Variants in RBM20 observed in about 807,000 individuals in gnomAD.
The protein encoded by RBM20 is RNA-binding protein 20.
A neutral mutation model predicts 110.1 loss-of-function variants in RBM20; 51 were observed. The ratio of observed to expected loss-of-function variants is 0.46; its 90% CI spans 0.37 to 0.59. The LOEUF is 0.59. Ranked by LOEUF, RBM20 falls within the 20% of genes least tolerant of loss-of-function variation. The pLI is 0.00. For synonymous variants in RBM20, 589 were observed against 618.2 expected (o/e 0.95, Z 0.70); for missense variants, 1,512 against 1,574.9 (o/e 0.96, Z 0.68).
chr10:110,682,392 T>A (rs747653103), intron 1 of RBM20, among the ~76,000 whole-genome samples: 1 of 152,224 alleles, frequency 6.6e-6, no homozygotes, highest in Non-Finnish European at 1.5e-5. Flanking sequence ...TAGGGCCAGA[T>A]AGTAAAGAGT....
rs1845145938 is a variant in RBM20 at position 110,837,409 on chromosome 10, T to G, written c.*1431T>G. On this transcript the variant is annotated 3_prime_UTR_variant, in exon 14 of 14. Transcript: ENST00000369519. ...CAGTTAAGAAGGGAGCCTGGAGCTG[T>G]TTTCATGAGCAGAGATACTCTCCTG... 6.6e-6 allele frequency: 1 copy of G among 152,146 alleles called. No homozygotes were observed. The highest frequency in any genetic ancestry group is 2.1e-4 in the South Asian group (1 of 4,830). The allele number at this position is 152,146 out of a possible 1,614,324, so 9.4% of individuals were successfully genotyped here. A position where few individuals can be genotyped will look rare whatever the true frequency, so the allele number is the denominator to read the frequency against.
intron 1 of RBM20, among the ~76,000 whole-genome samples, chr10:110,723,442 AGGAGT>A (rs1193531296): frequency 6.6e-6 from 1 of 152,206 alleles, no homozygotes; most frequent in Non-Finnish European, 1.5e-5. Flanking sequence ...GGGATAATGT[AGGAGT>A]GGAATTGCTG....
At chr10:110,665,111 G>A (rs892499163) in intron 1 of RBM20, among the ~76,000 whole-genome samples, 2 of 151,960 alleles carry the variant, frequency 1.3e-5, no homozygotes, top group East Asian at 1.9e-4. Flanking sequence ...TCCTGGCTTC[G>A]GTGATCTTCC....
At chr10:110,773,752 C>T (rs1047897558) in intron 1 of RBM20, among the ~76,000 whole-genome samples, 1 of 152,112 alleles carries the variant, frequency 6.6e-6, no homozygotes, top group Non-Finnish European at 1.5e-5. Flanking sequence ...GGTTTTGAGC[C>T]GTTCTAATAA....
chr10:110,819,973 T>C (rs1844887003), intron 9 of RBM20, 99 bp from the exon 10 acceptor site: 2 of 694,218 alleles, frequency 2.9e-6, no homozygotes, highest in South Asian at 2.3e-5. Context: ...ATGTGAAACC[T>C]ATCTGAGAGC....
intron 6 of RBM20, 44 bp from the exon 7 acceptor site, chr10:110,799,743 C>T: frequency 6.5e-7 from 1 of 1,532,132 alleles, no homozygotes; most frequent in South Asian, 1.2e-5. Context: ...TTGTTTAAGA[C>T]CATTAAAGTC....
intron 1 of RBM20, among the ~76,000 whole-genome samples, chr10:110,667,913 G>A (rs1041684102): frequency 3.3e-5 from 5 of 152,148 alleles, no homozygotes; most frequent in African/African-American, 9.7e-5. Context: ...AGTGGTGCAG[G>A]GAAGCTAAGC....
intron 1 of RBM20, among the ~76,000 whole-genome samples, chr10:110,767,066 T>G (rs1437036471): frequency 1.6e-5 from 2 of 123,346 alleles, no homozygotes; most frequent in South Asian, 2.8e-4. Context: ...ACGGGGCGGC[T>G]GGCCGGGCGG....
At chr10:110,788,845 G>A (rs1011287823) in intron 5 of RBM20, among the ~76,000 whole-genome samples, 4 of 152,162 alleles carry the variant, frequency 2.6e-5, no homozygotes, top group Non-Finnish European at 4.4e-5. Flanking sequence ...TGTTGCCAAA[G>A]GATATTTTTC....
In RBM20 at chr10:110,784,882, G is replaced by A; in HGVS notation, c.1520G>A (p.Gly507Glu). Residue 507 changes from glycine (G) to glutamate (E), a missense_variant, in exon 5 of 14, where the codon GGG becomes GAG. Physicochemically the swap from Gly to Glu is moderately conservative, Grantham distance 98. This residue lies in a region of RBM20 where 1,149 missense variants were observed against 1,169.4 expected (regional missense o/e 0.98). Transcript: ENST00000369519. ...SSPTFPLASV[G>E]TTFAQRKGAG... ...CCCACATTTCCTTTGGCTTCTGTGG[G>A]GACAACTGTGAGTACGGAAACATTT... is the stretch of plus-strand genomic sequence containing the variant. The A allele has an allele frequency of 6.6e-7, 1 of 1,522,668 alleles. No homozygotes were observed. The highest frequency in any genetic ancestry group is 8.9e-7 in the Non-Finnish European group (1 of 1,122,826). The allele number at this position is 1,522,668 out of a possible 1,614,324, so 94.3% of individuals were successfully genotyped here.
At chr10:110,769,829 C>A (rs1033720199) in intron 1 of RBM20, among the ~76,000 whole-genome samples, 1 of 151,902 alleles carries the variant, frequency 6.6e-6, no homozygotes. Flanking sequence ...AGTGATCGTC[C>A]CACCTGAGCC....
chr10:110,806,658 A>C (rs1034327717), intron 7 of RBM20, among the ~76,000 whole-genome samples: 3 of 152,228 alleles, frequency 2.0e-5, no homozygotes, highest in Non-Finnish European at 4.4e-5. Flanking sequence ...AAATGCAACA[A>C]GATTAGTCAT....
At chr10:110,768,313 C>G (rs1266539816) in intron 1 of RBM20, among the ~76,000 whole-genome samples, 1 of 152,114 alleles carries the variant, frequency 6.6e-6, no homozygotes, top group Non-Finnish European at 1.5e-5. Flanking sequence ...GAGGCAAAAG[C>G]CAAAAGTAAT....
At chr10:110,787,909 A>G (rs148134071) in intron 5 of RBM20, among the ~76,000 whole-genome samples, 157 of 152,284 alleles carry the variant, frequency 1.0e-3, no homozygotes, top group African/African-American at 3.6e-3. Context: ...AACAGCCAAC[A>G]TTTATATAGT....
At chr10:110,651,393 A>C (rs931541258) in intron 1 of RBM20, among the ~76,000 whole-genome samples, 3 of 152,262 alleles carry the variant, frequency 2.0e-5, no homozygotes, top group Non-Finnish European at 2.9e-5. Context: ...CACTAATGTC[A>C]GTGAACAGGA....
intron 1 of RBM20, among the ~76,000 whole-genome samples, chr10:110,699,212 G>A (rs1285565949): frequency 6.7e-6 from 1 of 150,184 alleles, no homozygotes; most frequent in Non-Finnish European, 1.5e-5. Context: ...CTCAAGGCAT[G>A]CTGATTTTGA....
At chr10:110,724,325 G>A (rs1009116733) in intron 1 of RBM20, among the ~76,000 whole-genome samples, 1 of 152,240 alleles carries the variant, frequency 6.6e-6, no homozygotes, top group African/African-American at 2.4e-5. Flanking sequence ...CCAACAGGTT[G>A]CAGGCTGCTC....
intron 8 of RBM20, 76 bp downstream of exon 8, chr10:110,810,538 C>A: frequency 9.7e-7 from 1 of 1,028,932 alleles, no homozygotes; most frequent in Non-Finnish European, 1.5e-6. Context: ...TTCTTAGGGG[C>A]ATTTGAGTCA....
At chr10:110,805,848 C>T (rs7068721) in intron 7 of RBM20, among the ~76,000 whole-genome samples, 48,265 of 152,068 alleles carry the variant, frequency 0.32, 8,151 homozygotes, top group Admixed American at 0.37. Context: ...GGCTGTTGAG[C>T]GGAATCATTG....
Sources: allele counts gnomAD v4.1 joint callset (sites outside exome capture counted in the v4.1 genomes callset), GRCh38; gene constraint gnomAD v4.1.1; regional missense constraint gnomAD v4.1.1; transcripts MANE v1.5; gene names NCBI Gene and HGNC (gene_info 2026-07-23, HGNC 2026-07-21).